The following NPLOC4 variants were observed in gnomAD, a reference collection of about 807,000 sequenced individuals.
The protein encoded by NPLOC4 is NPL4 homolog, ubiquitin recognition factor.
NPLOC4 carries 18 observed loss-of-function variants against 80.6 expected under a neutral mutation model. The observed-to-expected ratio is 0.22, with a 90% CI of 0.15 to 0.33. The LOEUF (loss-of-function observed/expected upper bound fraction) is 0.33, where lower values mean the gene tolerates loss of function less well. Among genes scored for constraint, NPLOC4 ranks in the 10% least tolerant of loss-of-function variants. The probability of loss-of-function intolerance (pLI) is 1.00; values close to 1 mark genes in which losing one functional copy is unlikely to be tolerated. For synonymous variants in NPLOC4, 313 were observed against 301.5 expected, an observed-to-expected ratio of 1.04 and a Z score of -0.39; for missense variants, 540 against 786.1, an observed-to-expected ratio of 0.69 and a Z score of 3.74.
At chr17:81,568,881 G>A (rs1007389800) in intron 14 of NPLOC4, 135 bp downstream of exon 14, 2 of 647,008 alleles carry the variant, frequency 3.1e-6, no homozygotes, top group Non-Finnish European at 5.5e-6. Context: ...GTGCCCCACA[G>A]TAGGCCCTAG....
At chr17:81,573,273 G>A (rs544671593) in intron 12 of NPLOC4, among the ~76,000 whole-genome samples, 16 of 152,240 alleles carry the variant, frequency 1.1e-4, no homozygotes, top group Admixed American at 5.9e-4. Context: ...TCTCAGACCC[G>A]AAATGATTGC....
intron 16 of NPLOC4, chr17:81,562,315 G>A: frequency 6.6e-6 from 1 of 152,308 alleles, no homozygotes; most frequent in Non-Finnish European, 1.5e-5. Flanking sequence ...GAGGTGGGTG[G>A]ATCACTTGAG....
In NPLOC4 at chr17:81,558,335, C is replaced by T. The variant is rs2033714779; in HGVS notation, c.*924G>A. 1 of 152,348 alleles carries T rather than the reference C, an allele frequency of 6.6e-6. No homozygotes were observed. The highest frequency in any genetic ancestry group is 2.1e-4 in the South Asian group (1 of 4,840). The allele number at this position is 152,348 out of a possible 1,614,324, so 9.4% of individuals were successfully genotyped here. ...CGGCACCGGTGACCCAGCTCTCCCA[C>T]CCAGGCCATCGCAGGGCAGCCTCAG... On this transcript the variant is annotated 3_prime_UTR_variant, in exon 17 of 17. Coordinates refer to ENST00000331134, the MANE Select transcript of NPLOC4 (RefSeq NM_017921.4).
rs1331212284 is a variant in NPLOC4 at position 81,600,424 on chromosome 17, C to G, written c.838G>C (p.Gly280Arg). Residue 280 changes from glycine (G) to arginine (R), a missense_variant, in exon 9 of 17, where the codon GGT (glycine) becomes CGT (arginine). Around this residue, in one of 6 missense-constraint regions of NPLOC4, gnomAD observed 251 missense variants for 377.5 expected, o/e 0.66. Coordinates refer to ENST00000331134, the MANE Select transcript of NPLOC4 (RefSeq NM_017921.4). ...VAAIYEPPQI[G>R]TQNSLELLED... ...AGAAGCTCCAAGCTGTTCTGTGTAC[C>G]AATCTGCAGGGAATCAAAGGGAGAA... 6.2e-7 allele frequency: 1 copy of G among 1,611,060 alleles called. No individual in the cohort carries two copies. The highest frequency in any genetic ancestry group is 8.5e-7 in the Non-Finnish European group (1 of 1,178,566).
At chr17:81,592,993 A>G (rs531848693) in intron 11 of NPLOC4, among the ~76,000 whole-genome samples, 1 of 152,288 alleles carries the variant, frequency 6.6e-6, no homozygotes, top group South Asian at 2.1e-4. Context: ...AAAAAATTAA[A>G]AATAAAAATA....
At chr17:81,600,201 T>C (rs1474860938) in intron 9 of NPLOC4, 140 bp downstream of exon 9, 3 of 636,198 alleles carry the variant, frequency 4.7e-6, no homozygotes, top group African/African-American at 3.6e-5. Context: ...TTTCAAAACA[T>C]ATAGTGCCTG....
intron 1 of NPLOC4, among the ~76,000 whole-genome samples, chr17:81,634,654 G>C (rs1184949292): frequency 6.7e-6 from 1 of 150,028 alleles, no homozygotes; most frequent in Non-Finnish European, 1.5e-5. Flanking sequence ...GGCGCAATCT[G>C]GGCTCACTGC....
At chr17:81,597,419 G>C (rs2034941090) in intron 9 of NPLOC4, 103 bp from the exon 10 acceptor site, 6 of 856,640 alleles carry the variant, frequency 7.0e-6, no homozygotes, top group Non-Finnish European at 1.2e-5. Context: ...GAGAGGCCGA[G>C]GCAGGAGAAT....
chr17:81,565,369 T>C, intron 16 of NPLOC4, 136 bp downstream of exon 16: 1 of 782,464 alleles, frequency 1.3e-6, no homozygotes, highest in Non-Finnish European at 2.2e-6. Context: ...CTCTACTCGT[T>C]GCATTGCCGA....
At chr17:81,631,507 T>C (rs553538989) in intron 1 of NPLOC4, among the ~76,000 whole-genome samples, 2 of 148,216 alleles carry the variant, frequency 1.3e-5, no homozygotes, top group East Asian at 3.9e-4. Flanking sequence ...GGAAGACTAC[T>C]GGACAAAGGG....
intron 8 of NPLOC4, among the ~76,000 whole-genome samples, chr17:81,602,277 T>C (rs1260551039): frequency 5.3e-5 from 8 of 151,916 alleles, no homozygotes; most frequent in African/African-American, 1.9e-4. Context: ...CCAAGCACAA[T>C]GGCTTATGCT....
chr17:81,589,709 AAAAAG>A (rs1229467217), intron 11 of NPLOC4, among the ~76,000 whole-genome samples: 2 of 152,022 alleles, frequency 1.3e-5, no homozygotes, highest in Non-Finnish European at 2.9e-5. Context: ...AACTTTTGAA[AAAAAG>A]AAAAGAAAAG....
chr17:81,578,868 C>T (rs867332629), intron 12 of NPLOC4, among the ~76,000 whole-genome samples: 3 of 152,200 alleles, frequency 2.0e-5, no homozygotes, highest in African/African-American at 7.2e-5. Flanking sequence ...TACCAATCTA[C>T]AATATTTAAT....
intron 5 of NPLOC4, among the ~76,000 whole-genome samples, chr17:81,609,938 T>C (rs552241659): frequency 6.6e-6 from 1 of 152,312 alleles, no homozygotes; most frequent in East Asian, 1.9e-4. Flanking sequence ...AAAAGGATTG[T>C]CCAGGGAGCC....
chr17:81,629,834 G>C, intron 1 of NPLOC4, 29 bp from the exon 2 acceptor site: 3 of 1,518,944 alleles, frequency 2.0e-6, no homozygotes, highest in Non-Finnish European at 2.7e-6. Flanking sequence ...GATGGTTACT[G>C]CACAGCCTAG....
chr17:81,606,770 G>A lies in NPLOC4; in HGVS notation c.575C>T (p.Ser192Leu). ...CCACGGGAGGTGCCCCTCGCACCCTGACTTAATCTTGCAGCTGATGTTCTC... is the reference window on the plus strand; with the variant it reads ...CCACGGGAGGTGCCCCTCGCACCCTAACTTAATCTTGCAGCTGATGTTCTC... ...ALENISCKIK[S>L]GCEGHLPWPN... Residue 192 changes from serine (S) to leucine (L), a missense_variant, in exon 7 of 17, where the codon TCA (serine) becomes TTA (leucine). Transcript: ENST00000331134. 2.5e-6 allele frequency: 4 copies of A among 1,613,756 alleles called. No individual in the cohort carries two copies. Among genetic ancestry groups the A allele is most frequent in the Non-Finnish European group, 3.4e-6 (4 of 1,179,806 alleles).
chr17:81,590,404 C>A (rs898292479), intron 11 of NPLOC4, among the ~76,000 whole-genome samples: 3 of 152,236 alleles, frequency 2.0e-5, no homozygotes, highest in African/African-American at 7.2e-5. Flanking sequence ...GCCATGGGGG[C>A]AGCCTGAGCC....
rs1555684617 is a variant in NPLOC4, at chr17:81,606,834, C to CCTAA, written c.531-21_531-20insTTAG. 133 of 1,604,020 alleles carry CCTAA rather than the reference C, an allele frequency of 8.3e-5. No individual in the cohort carries two copies. In the African/African-American group the frequency reaches 1.7e-3, roughly 20 times the overall value. On this transcript the variant is annotated intron_variant, in intron 6 of 16. Coordinates refer to ENST00000331134, the MANE Select transcript of NPLOC4 (RefSeq NM_017921.4). ...TTCCCCCTACATAGAAGAGAAGCAA[C>CCTAA]TTAAACATCACATTGGTGAAAAGTT...
intron 12 of NPLOC4, among the ~76,000 whole-genome samples, chr17:81,588,553 G>A (rs1370741947): frequency 6.6e-6 from 1 of 152,146 alleles, no homozygotes; most frequent in Non-Finnish European, 1.5e-5. Context: ...TCGCTATGTT[G>A]CCCAGGCTGG....
Sources: allele counts gnomAD v4.1 joint callset (sites outside exome capture counted in the v4.1 genomes callset), GRCh38; gene constraint gnomAD v4.1.1; regional missense constraint gnomAD v4.1.1; transcripts MANE v1.5; gene names NCBI Gene and HGNC (gene_info 2026-07-23, HGNC 2026-07-21).